PRKN: variants seen among roughly 807,000 people sequenced by gnomAD.
The protein encoded by PRKN is parkin RBR E3 ubiquitin protein ligase, also known as E3 ubiquitin-protein ligase parkin.
PRKN carries 56 observed loss-of-function variants against 59.5 expected under a neutral mutation model. The observed-to-expected ratio is 0.94, with a 90% CI of 0.76 to 1.18. PRKN has a LOEUF of 1.18. PRKN is among the 50% of genes most tolerant of loss of function. The pLI, the probability that PRKN is intolerant of heterozygous loss-of-function variation, is 0.00. For missense variants in PRKN, 657 were observed against 596.4 expected, an observed-to-expected ratio of 1.10 and a Z score of -1.06; for synonymous variants, 250 against 222.1, an observed-to-expected ratio of 1.13 and a Z score of -1.12.
chr6:161,717,715 A>C (rs189224814), intron 7 of PRKN, among the ~76,000 whole-genome samples: 1 of 152,262 alleles, frequency 6.6e-6, no homozygotes, highest in Non-Finnish European at 1.5e-5. Flanking sequence ...AGTAGCCATG[A>C]TAACTCTGTG....
chr6:162,103,260 C>G (rs1583036170), intron 4 of PRKN, among the ~76,000 whole-genome samples: 1 of 151,512 alleles, frequency 6.6e-6, no homozygotes, highest in Non-Finnish European at 1.5e-5. Context: ...AAAACAGGAG[C>G]AATAAAAGAA....
chr6:161,560,914 G>T lies in PRKN; in HGVS notation c.933+8441C>A, dbSNP rs79935062. On this transcript the variant is annotated intron_variant, in intron 8 of 11. Transcript: ENST00000366898. The surrounding 1 kb of genome is among the most constrained non-coding windows in gnomAD (Gnocchi z 4.9). ...CATTGCCTGGAAAACACAGATTTCC[G>T]TGGTCTTCTTTATCTGATGGCAAAA... 6.6e-6 allele frequency among the ~76,000 whole-genome samples: 1 copy of T among 152,150 alleles called. No homozygotes were observed. Among genetic ancestry groups the T allele is most frequent in the African/African-American group, 2.4e-5 (1 of 41,420 alleles).
chr6:161,996,175 T>TACACAC (rs34527638), intron 5 of PRKN, among the ~76,000 whole-genome samples: 5 of 150,056 alleles, frequency 3.3e-5, no homozygotes, highest in South Asian at 2.1e-4. Flanking sequence ...ACGTGGTGTG[T>TACACAC]ACACACACAC....
chr6:162,549,983 A>C (rs1167818147), intron 1 of PRKN, among the ~76,000 whole-genome samples: 1 of 152,186 alleles, frequency 6.6e-6, no homozygotes, highest in African/African-American at 2.4e-5. Context: ...AGAAAAAGCC[A>C]CACAGTGGAT....
chr6:161,357,048 CTTTTTTTTTTT>C lies in PRKN; in HGVS notation c.1285+3029_1285+3039del, dbSNP rs35219002. Among the ~76,000 whole-genome samples, 1 of 115,610 alleles carries C rather than the reference CTTTTTTTTTTT, an allele frequency of 8.6e-6. No homozygotes were observed. The highest frequency in any genetic ancestry group is 1.7e-5 in the Non-Finnish European group (1 of 58,114). 75.8% of individuals were successfully genotyped at this position (115,610 alleles called of 152,430 possible). ...CAGGTCCAGGTTCGCTGACCACTTCCTTTTTTTTTTTTTTTTTTTTTGAGACAGAGTCTTGC... is the reference window on the plus strand; with the variant it reads ...CAGGTCCAGGTTCGCTGACCACTTCCTTTTTTTTTTGAGACAGAGTCTTGC... On this transcript the variant is annotated intron_variant, in intron 11 of 11. Coordinates refer to ENST00000366898, the MANE Select transcript of PRKN (RefSeq NM_004562.3). This position sits in a 1 kb window ranked among gnomAD's most constrained non-coding sequence, Gnocchi z 5.5.
rs1789269676 is a variant in PRKN at position 162,427,017 on chromosome 6, T to C, written c.171+16293A>G. ...TAAAATAATTCACATTTTAAAACCA[T>C]CACAGGCCCATGAGAAAGTTTGGCC... On this transcript the variant is annotated intron_variant, in intron 2 of 11. Coordinates refer to ENST00000366898, the MANE Select transcript of PRKN (RefSeq NM_004562.3). 2.0e-5 allele frequency among the ~76,000 whole-genome samples: 3 copies of C among 152,172 alleles called. No individual in the cohort carries two copies. In the South Asian group the frequency reaches 6.2e-4, roughly 32 times the overall value.
chr6:161,921,236 C>G lies in PRKN; in HGVS notation c.734+52066G>C, dbSNP rs373047556. ...ACAGGGTCAGGATCATCCATATCAC[C>G]ATCTTCCACCCCCATATATTGTCCC... On this transcript the variant is annotated intron_variant, in intron 6 of 11. Coordinates refer to ENST00000366898, the MANE Select transcript of PRKN (RefSeq NM_004562.3). 3.9e-5 allele frequency among the ~76,000 whole-genome samples: 6 copies of G among 152,076 alleles called. No individual in the cohort carries two copies. In the South Asian group the frequency reaches 1.0e-3, roughly 26 times the overall value.
intron 4 of PRKN, among the ~76,000 whole-genome samples, chr6:162,158,518 G>A (rs534091374): frequency 1.9e-4 from 29 of 150,868 alleles, no homozygotes; most frequent in Non-Finnish European, 2.2e-4. Context: ...TGCAATCTCC[G>A]CCTCCCGGGT....
rs144262524 is a variant in PRKN, at chr6:161,588,849, C to T, written c.872-19433G>A. On this transcript the variant is annotated intron_variant, in intron 7 of 11. Transcript: ENST00000366898. The surrounding 1 kb of genome is among the most constrained non-coding windows in gnomAD (Gnocchi z 5.0). ...ATTTAGCAAATAAAAATACAGGACA[C>T]CCAGTTAAATTTGAGTTTCAGTAAA... Among the ~76,000 whole-genome samples, 1 of 152,116 alleles carries T rather than the reference C, an allele frequency of 6.6e-6. No homozygotes were observed. Among genetic ancestry groups the T allele is most frequent in the East Asian group, 1.9e-4 (1 of 5,182 alleles).
chr6:161,397,739 C>A lies in PRKN; in HGVS notation c.1084-10862G>T, dbSNP rs1335797160. Among the ~76,000 whole-genome samples the A allele has an allele frequency of 6.6e-6, 1 of 152,114 alleles. No homozygotes were observed. The highest frequency in any genetic ancestry group is 2.4e-5 in the African/African-American group (1 of 41,412). On this transcript the variant is annotated intron_variant, in intron 9 of 11. Coordinates refer to ENST00000366898, the MANE Select transcript of PRKN (RefSeq NM_004562.3). This position sits in a 1 kb window ranked among gnomAD's most constrained non-coding sequence, Gnocchi z 4.2. ...TGGAAAAGCCTCAACTTCTGAGAAGCAGAAGAGGATAGCACAGTGCTGAGG... is the reference window on the plus strand; with the variant it reads ...TGGAAAAGCCTCAACTTCTGAGAAGAAGAAGAGGATAGCACAGTGCTGAGG...
rs191638922 is a variant in PRKN, at chr6:161,711,943, G to T, written c.871+73829C>A. Among the ~76,000 whole-genome samples the T allele has an allele frequency of 1.8e-3, 271 of 152,288 alleles. 1 individual carries two copies. The highest frequency in any genetic ancestry group is 6.3e-3 in the African/African-American group (263 of 41,560). On this transcript the variant is annotated intron_variant, in intron 7 of 11. Coordinates refer to ENST00000366898, the MANE Select transcript of PRKN (RefSeq NM_004562.3). ...CACTATCGGCTTTCCTACTTTTGAG[G>T]TTTTGGGACTTGGCCTGATCACCAC... is the stretch of plus-strand genomic sequence containing the variant.
intron 2 of PRKN, among the ~76,000 whole-genome samples, chr6:162,292,259 C>T (rs1055425749): frequency 1.3e-5 from 2 of 152,068 alleles, no homozygotes; most frequent in South Asian, 2.1e-4. Flanking sequence ...CCACTGCGCC[C>T]GGCCTCTTCC....
chr6:161,394,605 A>G (rs925214542), intron 9 of PRKN, among the ~76,000 whole-genome samples: 4 of 152,154 alleles, frequency 2.6e-5, no homozygotes, highest in Non-Finnish European at 4.4e-5. Flanking sequence ...GCACGTAACC[A>G]TCCCATCTTT....
chr6:161,952,197 C>T (rs1350727406), intron 6 of PRKN, among the ~76,000 whole-genome samples: 2 of 152,062 alleles, frequency 1.3e-5, no homozygotes, highest in Non-Finnish European at 2.9e-5. Flanking sequence ...TTGTCCTTTT[C>T]AGAACATGAC....
chr6:161,398,495 T>C (rs556695858), intron 9 of PRKN, among the ~76,000 whole-genome samples: 2 of 152,294 alleles, frequency 1.3e-5, no homozygotes, highest in African/African-American at 4.8e-5. Flanking sequence ...GTGACTTGTA[T>C]GCACCATTTA....
intron 7 of PRKN, among the ~76,000 whole-genome samples, chr6:161,571,370 A>G (rs1296348938): frequency 6.6e-6 from 1 of 152,242 alleles, no homozygotes; most frequent in Non-Finnish European, 1.5e-5. Context: ...AGGACATATC[A>G]ACTAAATTAT....
chr6:162,130,992 C>T lies in PRKN; in HGVS notation c.534+70139G>A, dbSNP rs375083194. The stretch of plus-strand genomic sequence containing the variant: ...CAGCTCAACCCTCCCTTTTGCTCTA[C>T]GATGCCCGAGTTCAAAATACTTTTC... On this transcript the variant is annotated intron_variant, in intron 4 of 11. Coordinates refer to ENST00000366898, the MANE Select transcript of PRKN (RefSeq NM_004562.3). Among the ~76,000 whole-genome samples the T allele has an allele frequency of 1.4e-4, 21 of 152,244 alleles. No homozygotes were observed. In the East Asian group the frequency reaches 2.5e-3, roughly 18 times the overall value.
In PRKN at chr6:161,758,491, G is replaced by A. The variant is rs115914933; in HGVS notation, c.871+27281C>T. On this transcript the variant is annotated intron_variant, in intron 7 of 11. Transcript: ENST00000366898. ...TACAAAAAGAGAGTACATACTCTAC[G>A]GTAGCATTTATATACAATTCTAGAA... is the stretch of plus-strand genomic sequence containing the variant. 9.1e-3 allele frequency among the ~76,000 whole-genome samples: 1,384 copies of A among 152,134 alleles called. 14 individuals carry two copies. Among genetic ancestry groups the A allele is most frequent in the Middle Eastern group, 0.041 (12 of 294 alleles).
rs1290237444 is a variant in PRKN at position 161,795,522 on chromosome 6, G to A, written c.735-9614C>T. The stretch of plus-strand genomic sequence containing the variant: ...GCTGGGATTACAGGTGTGAGCCACC[G>A]AGTCCAGCCTCCTTTGTATTGTTTT... On this transcript the variant is annotated intron_variant, in intron 6 of 11. Transcript: ENST00000366898. Among the ~76,000 whole-genome samples, 2 of 152,186 alleles carry A rather than the reference G, an allele frequency of 1.3e-5. 1 individual carries two copies. Among genetic ancestry groups the A allele is most frequent in the African/African-American group, 4.8e-5 (2 of 41,538 alleles).
Sources: gnomAD v4.1 joint callset for allele counts (sites outside exome capture counted in the v4.1 genomes callset) on GRCh38, gnomAD v4.1.1 for gene constraint, Gnocchi (gnomAD v3.1) non-coding constraint, MANE v1.5 for transcripts, NCBI Gene and HGNC (gene_info 2026-07-23, HGNC 2026-07-21) for gene names.